The following SCAPER variants were observed in gnomAD, a reference collection of about 807,000 sequenced individuals.
SCAPER encodes S-phase cyclin A associated protein in the ER.
SCAPER carries 98 observed loss-of-function variants against 182.2 expected under a neutral mutation model. The observed-to-expected ratio is 0.54, with a 90% CI of 0.46 to 0.64. The LOEUF (loss-of-function observed/expected upper bound fraction) is 0.64, where lower values mean the gene tolerates loss of function less well. SCAPER is among the 30% of genes least tolerant of loss of function. SCAPER has a pLI of 0.00. For synonymous variants in SCAPER, 605 were observed against 564.6 expected (o/e 1.07, Z -1.01); for missense variants, 1,432 against 1,690.0 (o/e 0.85, Z 2.68).
chr15:76,455,619 T>C (rs936537254), intron 25 of SCAPER, among the ~76,000 whole-genome samples: 1 of 152,224 alleles, frequency 6.6e-6, no homozygotes, highest in Non-Finnish European at 1.5e-5. Context: ...GAATTATAGA[T>C]GTACACCACC....
chr15:76,370,321 T>TTTTTTTAAAA (rs2042083953), intron 29 of SCAPER, among the ~76,000 whole-genome samples: 1 of 140,254 alleles, frequency 7.1e-6, no homozygotes, highest in African/African-American at 2.6e-5. Flanking sequence ...TTTTTTGTTT[T>TTTTTTTAAAA]AAAGACAGAG....
intron 9 of SCAPER, 131 bp from the exon 10 acceptor site, chr15:76,772,085 T>G: frequency 1.5e-6 from 1 of 676,984 alleles, no homozygotes; most frequent in East Asian, 2.7e-5. Context: ...GACAGAAAAT[T>G]TACTCATCTT....
At position 76,415,740 on chromosome 15, in the gene SCAPER, A is replaced by G. The variant is rs77449794; in HGVS notation, c.3312-11061T>C. Reference sequence around the variant, plus strand: ...AAAAAATACATGAAATGATATACACAAACTCTTAACAGTGATATACCACTT... The same window carrying G: ...AAAAAATACATGAAATGATATACACGAACTCTTAACAGTGATATACCACTT... On this transcript the variant is annotated intron_variant, in intron 26 of 31. Transcript: ENST00000563290. Among the ~76,000 whole-genome samples the G allele has an allele frequency of 4.8e-3, 724 of 152,274 alleles. 7 individuals carry two copies. Among genetic ancestry groups the G allele is most frequent in the African/African-American group, 0.017 (698 of 41,564 alleles).
intron 21 of SCAPER, among the ~76,000 whole-genome samples, chr15:76,650,678 CCTAA>C (rs1199942983): frequency 6.6e-6 from 1 of 151,996 alleles, no homozygotes. Context: ...ACCACATAGA[CCTAA>C]CTGACATAGA....
At chr15:76,756,090 A>C (rs2062407215) in intron 14 of SCAPER, among the ~76,000 whole-genome samples, 1 of 151,922 alleles carries the variant, frequency 6.6e-6, no homozygotes, top group African/African-American at 2.4e-5. Context: ...CAAAAATATA[A>C]AAAATTAGCC....
chr15:76,356,788 G>T (rs2040989368), intron 29 of SCAPER, among the ~76,000 whole-genome samples: 1 of 152,158 alleles, frequency 6.6e-6, no homozygotes, highest in Non-Finnish European at 1.5e-5. Flanking sequence ...TGCACCAACG[G>T]CAGGGAATGG....
intron 23 of SCAPER, among the ~76,000 whole-genome samples, chr15:76,511,819 G>A (rs1000003372): frequency 6.9e-6 from 1 of 143,956 alleles, no homozygotes; most frequent in African/African-American, 2.6e-5. Flanking sequence ...GGCTGACAAA[G>A]ATACACTTAT....
intron 20 of SCAPER, among the ~76,000 whole-genome samples, chr15:76,686,093 A>G (rs1277628912): frequency 6.6e-6 from 1 of 152,062 alleles, no homozygotes; most frequent in Non-Finnish European, 1.5e-5. Context: ...TGAAATTAAT[A>G]TTTTTCCTAA....
intron 20 of SCAPER, among the ~76,000 whole-genome samples, chr15:76,687,321 T>G (rs1227953317): frequency 1.3e-5 from 2 of 152,114 alleles, no homozygotes; most frequent in East Asian, 3.8e-4. Context: ...TATATTAAAC[T>G]ACAAAGAAAA....
intron 23 of SCAPER, among the ~76,000 whole-genome samples, chr15:76,522,155 G>T (rs1327519927): frequency 6.6e-6 from 1 of 151,954 alleles, no homozygotes; most frequent in African/African-American, 2.4e-5. Context: ...CATTTACATG[G>T]GGAATTCTAT....
At chr15:76,829,548 T>C (rs1398844458) in intron 5 of SCAPER, among the ~76,000 whole-genome samples, 1 of 152,154 alleles carries the variant, frequency 6.6e-6, no homozygotes, top group Non-Finnish European at 1.5e-5. Flanking sequence ...TTAGGTTCCA[T>C]GGCCCATTAC....
At chr15:76,737,828 C>A (rs2061351217) in intron 15 of SCAPER, among the ~76,000 whole-genome samples, 1 of 152,192 alleles carries the variant, frequency 6.6e-6, no homozygotes, top group Admixed American at 6.5e-5. Context: ...CTTCCTCAAA[C>A]CTCAAGAATC....
chr15:76,498,043 T>C (rs1406252845), intron 24 of SCAPER, among the ~76,000 whole-genome samples: 1 of 136,962 alleles, frequency 7.3e-6, no homozygotes, highest in Non-Finnish European at 1.5e-5. Flanking sequence ...GCCTGGCATC[T>C]CAGGAAACTA....
At chr15:76,767,395 G>C (rs947934709) in intron 10 of SCAPER, among the ~76,000 whole-genome samples, 1 of 152,088 alleles carries the variant, frequency 6.6e-6, no homozygotes, top group Non-Finnish European at 1.5e-5. Flanking sequence ...AATTTCATTT[G>C]AGTGCCAAAA....
intron 11 of SCAPER, among the ~76,000 whole-genome samples, chr15:76,766,109 A>ATTTT (rs947654239): frequency 6.6e-6 from 1 of 151,714 alleles, no homozygotes; most frequent in East Asian, 1.9e-4. Flanking sequence ...TTATTTATTT[A>ATTTT]TTTTTAAGAT....
intron 6 of SCAPER, among the ~76,000 whole-genome samples, chr15:76,802,899 G>A (rs2065897490): frequency 6.6e-6 from 1 of 152,042 alleles, no homozygotes; most frequent in Non-Finnish European, 1.5e-5. Flanking sequence ...CTGCTCTTTT[G>A]CCTTTGTACA....
rs2065684630 is a variant in SCAPER at position 76,800,374 on chromosome 15, C to G, written c.495-10G>C. 1.3e-6 allele frequency: 2 copies of G among 1,517,486 alleles called. No homozygotes were observed. The highest frequency in any genetic ancestry group is 1.8e-6 in the Non-Finnish European group (2 of 1,093,070). 94.0% of individuals were successfully genotyped at this position (1,517,486 alleles called of 1,614,324 possible). A position where few individuals can be genotyped will look rare whatever the true frequency, so the allele number is the denominator to read the frequency against. ...TGCCAATGATGTTGGTCTGCGAATTCAATATATAAACCAGATTAAATTAAC... is the reference window on the plus strand; with the variant it reads ...TGCCAATGATGTTGGTCTGCGAATTGAATATATAAACCAGATTAAATTAAC... On this transcript the variant is annotated splice_polypyrimidine_tract_variant and intron_variant, in intron 6 of 31. Transcript: ENST00000563290.
chr15:76,627,452 C>A (rs1399202026), intron 21 of SCAPER, among the ~76,000 whole-genome samples: 1 of 152,058 alleles, frequency 6.6e-6, no homozygotes, highest in Non-Finnish European at 1.5e-5. Context: ...CCGAACCACA[C>A]CCCCTGACAG....
At chr15:76,838,991 G>C (rs1375772097) in intron 5 of SCAPER, among the ~76,000 whole-genome samples, 2 of 152,224 alleles carry the variant, frequency 1.3e-5, no homozygotes, top group Non-Finnish European at 2.9e-5. Flanking sequence ...CTTGGTAAGA[G>C]AGCAAGGGAA....
Sources: gnomAD v4.1 joint callset for allele counts (sites outside exome capture counted in the v4.1 genomes callset) on GRCh38, gnomAD v4.1.1 for gene constraint, MANE v1.5 for transcripts, NCBI Gene and HGNC (gene_info 2026-07-23, HGNC 2026-07-21) for gene names.